The following BFSP2 variants were observed in gnomAD, a reference collection of about 807,000 sequenced individuals.
BFSP2 encodes phakinin.
In BFSP2, 38 loss-of-function variants were observed where a neutral mutation model predicts 44.9. That is an observed-to-expected ratio of 0.85 (90% CI 0.65 to 1.11). The LOEUF (loss-of-function observed/expected upper bound fraction) is 1.11, where lower values mean the gene tolerates loss of function less well. Ranked by LOEUF, BFSP2 falls within the 50% of genes least tolerant of loss-of-function variation. The pLI is 0.00. For missense variants in BFSP2, 525 were observed against 533.0 expected, an observed-to-expected ratio of 0.99 and a Z score of 0.15; for synonymous variants, 197 against 209.9, an observed-to-expected ratio of 0.94 and a Z score of 0.53.
chr3:133,430,974 G>A (rs2073710465), intron 1 of BFSP2, among the ~76,000 whole-genome samples: 1 of 152,036 alleles, frequency 6.6e-6, no homozygotes, highest in Non-Finnish European at 1.5e-5. Context: ...AAAGGTGGCT[G>A]GAGCTGAAGG....
intron 4 of BFSP2, among the ~76,000 whole-genome samples, chr3:133,458,942 G>A (rs900482114): frequency 6.6e-5 from 10 of 152,118 alleles, no homozygotes; most frequent in African/African-American, 2.4e-4. Context: ...TGATGCTATG[G>A]TTCCTGAAGT....
At chr3:133,445,685 C>T (rs1329247715) in intron 1 of BFSP2, 1 of 152,086 alleles carries the variant, frequency 6.6e-6, no homozygotes, top group Non-Finnish European at 1.5e-5. Flanking sequence ...CAACTATGTA[C>T]ATAGCATTTC....
At chr3:133,431,836 T>C (rs1402915709) in intron 1 of BFSP2, among the ~76,000 whole-genome samples, 3 of 152,186 alleles carry the variant, frequency 2.0e-5, no homozygotes, top group African/African-American at 7.2e-5. Flanking sequence ...AATACCCTTT[T>C]AAGCACTCCT....
At chr3:133,428,693 C>T (rs1047319130) in intron 1 of BFSP2, among the ~76,000 whole-genome samples, 7 of 152,230 alleles carry the variant, frequency 4.6e-5, no homozygotes, top group African/African-American at 1.2e-4. Context: ...GGGCCACCTT[C>T]GGGTAAACAC....
rs894526754 is a variant in BFSP2 at position 133,420,554 on chromosome 3, C to T, written c.489+19982C>T. Among the ~76,000 whole-genome samples, 3 of 152,282 alleles carry T rather than the reference C, an allele frequency of 2.0e-5. No homozygotes were observed. In the South Asian group the frequency reaches 6.2e-4, roughly 32 times the overall value. On this transcript the variant is annotated intron_variant, in intron 1 of 6. Coordinates refer to ENST00000302334, the MANE Select transcript of BFSP2 (RefSeq NM_003571.4). ...CTGATTATTGCTGATATTCTGTAAA[C>T]GCTCGTGCATAGGTGAGAATACTCT...
intron 4 of BFSP2, among the ~76,000 whole-genome samples, chr3:133,454,809 C>G (rs1238091204): frequency 6.6e-6 from 1 of 152,208 alleles, no homozygotes; most frequent in African/African-American, 2.4e-5. Context: ...AAAATGCAAA[C>G]ACGTCATACA....
At chr3:133,465,527 A>C (rs2074101519) in intron 4 of BFSP2, among the ~76,000 whole-genome samples, 1 of 152,178 alleles carries the variant, frequency 6.6e-6, no homozygotes, top group African/African-American at 2.4e-5. Flanking sequence ...AGAACAGAGG[A>C]GTAACAATGA....
rs1463388723 is a variant in BFSP2, at chr3:133,425,802, A to AGG, written c.490-21514_490-21513insGG. ...GGGAAAGGGAAGGGAAGGGAAGGGA[A>AGG]GAAGGGAAGGGAAGGGAAATAAAGA... On this transcript the variant is annotated intron_variant, in intron 1 of 6. Transcript: ENST00000302334. Among the ~76,000 whole-genome samples, 251 of 118,352 alleles carry AGG rather than the reference A, an allele frequency of 2.1e-3. 3 individuals are homozygous for AGG. The highest frequency in any genetic ancestry group is 5.8e-3 in the African/African-American group (188 of 32,472). 77.6% of individuals were successfully genotyped at this position (118,352 alleles called of 152,430 possible).
At chr3:133,413,358 A>G (rs2073474925) in intron 1 of BFSP2, among the ~76,000 whole-genome samples, 2 of 152,088 alleles carry the variant, frequency 1.3e-5, no homozygotes, top group Admixed American at 1.3e-4. Context: ...AAACCCAGCC[A>G]AATTAAACAA....
rs370776413 is a variant in BFSP2 at position 133,472,479 on chromosome 3, G to A, written c.1158G>A (p.Gln386=). The change falls in exon 6 of 7, where the codon CAG becomes CAA. Residue 386 remains glutamine (Q), a synonymous_variant. Transcript: ENST00000302334. ...GAGCGGAGGCGGAGCAGCAGCAACAGGAGCGCGCGCATCTGCTGGCCCGCA... is the reference window on the plus strand; with the variant it reads ...GAGCGGAGGCGGAGCAGCAGCAACAAGAGCGCGCGCATCTGCTGGCCCGCA... The part of the protein sequence containing the change: ...EIRAEAEQQQ[Q]ERAHLLARKC... 1 of 1,613,670 alleles carries A rather than the reference G, an allele frequency of 6.2e-7. No homozygotes were observed. Among genetic ancestry groups the A allele is most frequent in the African/African-American group, 1.3e-5 (1 of 74,944 alleles).
intron 1 of BFSP2, among the ~76,000 whole-genome samples, chr3:133,419,409 G>A (rs1008088394): frequency 3.3e-5 from 5 of 152,180 alleles, no homozygotes; most frequent in African/African-American, 1.2e-4. Flanking sequence ...CTAAAATACT[G>A]TTTAAAAACT....
intron 1 of BFSP2, among the ~76,000 whole-genome samples, chr3:133,424,240 T>TGTGTGG (rs1559963476): frequency 1.4e-5 from 2 of 146,206 alleles, no homozygotes; most frequent in African/African-American, 5.0e-5. Context: ...TTTTTTTTTT[T>TGTGTGG]TGTATTTTTA....
intron 4 of BFSP2, among the ~76,000 whole-genome samples, chr3:133,451,716 G>GT (rs1461724447): frequency 6.6e-6 from 1 of 152,106 alleles, no homozygotes; most frequent in Non-Finnish European, 1.5e-5. Flanking sequence ...ACTTTGAGAT[G>GT]TTTTTTCTTT....
chr3:133,446,927 C>G (rs982210538), intron 1 of BFSP2, among the ~76,000 whole-genome samples: 2 of 151,964 alleles, frequency 1.3e-5, no homozygotes, highest in African/African-American at 4.8e-5. Flanking sequence ...CTTTCACCAG[C>G]CTTCCAAAGG....
chr3:133,473,490 T>C (rs866953528), intron 6 of BFSP2, among the ~76,000 whole-genome samples: 18 of 149,378 alleles, frequency 1.2e-4, no homozygotes, highest in African/African-American at 4.2e-4. Flanking sequence ...TGATCATTCT[T>C]GGGTGTTTCT....
At chr3:133,417,843 CGTCCTCTCCCCTCTACTCACCTCT>C (rs1559961215) in intron 1 of BFSP2, among the ~76,000 whole-genome samples, 46 of 121,644 alleles carry the variant, frequency 3.8e-4, no homozygotes, top group South Asian at 9.1e-4. Context: ...TCTACTCACC[CGTCCTCTCCCCTCTACTCACCTCT>C]GTCCTCTCCC....
chr3:133,415,490 AC>A (rs1242063618), intron 1 of BFSP2, among the ~76,000 whole-genome samples: 1 of 54,316 alleles, frequency 1.8e-5, no homozygotes, highest in Non-Finnish European at 3.5e-5. Flanking sequence ...CCCTATAGTC[AC>A]CCCTGCCCTC....
intron 1 of BFSP2, among the ~76,000 whole-genome samples, chr3:133,423,528 A>C (rs528589899): frequency 5.1e-5 from 6 of 116,762 alleles, no homozygotes; most frequent in African/African-American, 2.0e-4. Context: ...ACTTTTCCGT[A>C]CTTTGGGGGC....
intron 1 of BFSP2, chr3:133,410,070 A>G: frequency 5.1e-6 from 1 of 194,524 alleles, no homozygotes. Flanking sequence ...GCTGAGCCAT[A>G]CAAAACTACT....
Sources: gnomAD v4.1 joint callset for allele counts (sites outside exome capture counted in the v4.1 genomes callset) on GRCh38, gnomAD v4.1.1 for gene constraint, MANE v1.5 for transcripts, NCBI Gene and HGNC (gene_info 2026-07-23, HGNC 2026-07-21) for gene names.